Variants in ARAP3 observed in about 807,000 individuals in gnomAD.
ARAP3 encodes the protein arf-GAP with Rho-GAP domain, ANK repeat and PH domain-containing protein 3.
ARAP3 carries 82 observed loss-of-function variants against 169.2 expected under a neutral mutation model. The observed-to-expected ratio is 0.48, with a 90% CI of 0.41 to 0.58. The LOEUF (loss-of-function observed/expected upper bound fraction) is 0.58, where lower values mean the gene tolerates loss of function less well. ARAP3 is among the 20% of genes least tolerant of loss of function. ARAP3 has a pLI of 0.00. For synonymous variants in ARAP3, 791 were observed against 800.3 expected (o/e 0.99, Z 0.20); for missense variants, 1,764 against 2,018.0 (o/e 0.87, Z 2.41).
chr5:141,672,358 C>G lies in ARAP3; in HGVS notation c.1386-57G>C. 1 of 1,603,954 alleles carries G rather than the reference C, an allele frequency of 6.2e-7. No homozygotes were observed. Among genetic ancestry groups the G allele is most frequent in the East Asian group, 2.2e-5 (1 of 44,698 alleles). ...GACCTACCTGCCATGTCCCATCCCC[C>G]TGGCTCTTCCTGCAGGAGCCACCAC... On this transcript the variant is annotated intron_variant, in intron 9 of 32. Transcript: ENST00000239440. The surrounding 1 kb of genome is among the most constrained non-coding windows in gnomAD (Gnocchi z 4.9).
rs2099909315 is a variant in ARAP3 at position 141,656,754 on chromosome 5, T to C, written c.3619A>G (p.Lys1207Glu). Reference protein sequence around the residue: ...EPCSASLLLKKVPLAQAGCLF... With the variant: ...EPCSASLLLKEVPLAQAGCLF... ...CAGCCAGCTTGGGCCAGGGGGACTT[T>C]TTTCAAGAGCAGGGAAGCTGAGCAG... Residue 1207 changes from lysine to glutamate, a missense_variant, in exon 26 of 33, where the codon AAA becomes GAA. This residue lies in a region of ARAP3 where 1,112 missense variants were observed against 1,285.7 expected (regional missense o/e 0.86). Coordinates refer to ENST00000239440, the MANE Select transcript of ARAP3 (RefSeq NM_022481.6). 1.9e-6 allele frequency: 3 copies of C among 1,611,616 alleles called. No individual in the cohort carries two copies. The highest frequency in any genetic ancestry group is 1.7e-5 in the Admixed American group (1 of 59,470).
rs751501845 is a variant in ARAP3 at position 141,666,464 on chromosome 5, G to A, written c.2532C>T (p.Ala844=). 1.3e-6 allele frequency: 2 copies of A among 1,597,154 alleles called. No individual in the cohort carries two copies. Among genetic ancestry groups the A allele is most frequent in the Non-Finnish European group, 1.7e-6 (2 of 1,171,796 alleles). The change falls in exon 17 of 33, where the codon GCC becomes GCT. Residue 844 remains alanine (A), a synonymous_variant. Coordinates refer to ENST00000239440, the MANE Select transcript of ARAP3 (RefSeq NM_022481.6). ...LCSAPGPGPP[A]PEDMVHLRRL... ...GCCGCAGATGCACCATGTCCTCAGG[G>A]GCTGGGGGGCCTGGGCCCGGCGCTG...
intron 18 of ARAP3, 23 bp from the exon 19 acceptor site, chr5:141,665,108 C>G: frequency 6.3e-7 from 1 of 1,598,890 alleles, no homozygotes; most frequent in Non-Finnish European, 8.5e-7. Flanking sequence ...AGGCCTGAAT[C>G]AGAGCCAGCT....
Position 141,669,992 on chromosome 5 carries a change from G to C in ARAP3, c.2179C>G (p.Leu727Val). The change falls in exon 15 of 33, where the codon CTC (leucine) becomes GTC (valine). Residue 727 changes from leucine to valine, a missense_variant. Leu to Val is a conservative substitution (Grantham distance 32). Transcript: ENST00000239440. ...ATATCCTGGGGCTGTATGAGGCTGA[G>C]GGGTTCAGGGCTGTTTTCCGATGCA... ...MFASENSPEP[L>V]SLIQPQDIVC... 1.3e-6 allele frequency: 2 copies of C among 1,598,356 alleles called. No homozygotes were observed. The highest frequency in any genetic ancestry group is 1.4e-5 in the African/African-American group (1 of 73,586).
chr5:141,655,259 C>G (rs2099909113), intron 32 of ARAP3, 103 bp downstream of exon 32: 10 of 1,191,164 alleles, frequency 8.4e-6, no homozygotes, highest in Non-Finnish European at 9.5e-6. Context: ...CACACACACA[C>G]CCCCTGATGG....
intron 2 of ARAP3, 69 bp downstream of exon 2, chr5:141,679,894 C>A: frequency 6.2e-7 from 1 of 1,611,216 alleles, no homozygotes; most frequent in South Asian, 1.1e-5. Context: ...TGCTCCCCGC[C>A]TCCGTCCCCC....
At chr5:141,659,750 T>C in intron 22 of ARAP3, 29 bp downstream of exon 22, 4 of 1,596,350 alleles carry the variant, frequency 2.5e-6, no homozygotes, top group Non-Finnish European at 2.6e-6. Flanking sequence ...GGGAAAGGGG[T>C]TGTGGGTTAG....
Position 141,659,488 on chromosome 5 carries a change from C to A in ARAP3, c.3268-12G>T. ...TGGTCAGAATCGATCTGTGAAAGAG[C>A]CAAAAGAGAGTGTTGGGGTGCTGGA... On this transcript the variant is annotated splice_polypyrimidine_tract_variant and intron_variant, in intron 22 of 32. Coordinates refer to ENST00000239440, the MANE Select transcript of ARAP3 (RefSeq NM_022481.6). The A allele has an allele frequency of 6.2e-7, 1 of 1,613,974 alleles. No individual in the cohort carries two copies. Among genetic ancestry groups the A allele is most frequent in the Non-Finnish European group, 8.5e-7 (1 of 1,179,886 alleles).
rs748740765 is a variant in ARAP3, at chr5:141,680,078, G to A, written c.409C>T (p.Pro137Ser). The change falls in exon 2 of 33, where the codon CCT (proline) becomes TCT (serine). Residue 137 changes from proline to serine, a missense_variant. Coordinates refer to ENST00000239440, the MANE Select transcript of ARAP3 (RefSeq NM_022481.6). ...TGCTCAGAGGAGGAAGTGGGGAGAG[G>A]AGGAGGCCTTGGGCTGGGCTCTGGG... ...RSPEPSPRPPPLPTSSSEQSS... is the reference protein window; with the variant it reads ...RSPEPSPRPPSLPTSSSEQSS... 1.2e-6 allele frequency: 2 copies of A among 1,614,074 alleles called. No individual in the cohort carries two copies. The highest frequency in any genetic ancestry group is 2.2e-5 in the South Asian group (2 of 91,082).
At chr5:141,667,077 T>C (rs1031079260) in intron 16 of ARAP3, among the ~76,000 whole-genome samples, 7 of 150,618 alleles carry the variant, frequency 4.6e-5, no homozygotes, top group African/African-American at 4.9e-5. Context: ...ACCTGGCTAA[T>C]TTTTTTTTAC....
rs1428326124 is a variant in ARAP3, at chr5:141,666,586, G to A, written c.2410C>T (p.Arg804Cys). The change falls in exon 17 of 33, where the codon CGC becomes TGC. Residue 804 changes from arginine (R) to cysteine (C), a missense_variant. Coordinates refer to ENST00000239440, the MANE Select transcript of ARAP3 (RefSeq NM_022481.6). ...TGGGAGGGGGACCGCAGCCATAGGC[G>A]GCCCAGCCGCAGCAGCCCGGGGCCC... ...LLGPGLLRLG[R>C]LWLRSPSHTA... The A allele has an allele frequency of 2.0e-6, 3 of 1,526,962 alleles. No homozygotes were observed. The highest frequency in any genetic ancestry group is 2.2e-5 in the Admixed American group (1 of 45,594). The allele number at this position is 1,526,962 out of a possible 1,614,324, so 94.6% of individuals were successfully genotyped here.
intron 19 of ARAP3, among the ~76,000 whole-genome samples, chr5:141,662,902 A>G (rs945696705): frequency 2.6e-5 from 4 of 152,160 alleles, no homozygotes; most frequent in African/African-American, 9.7e-5. Context: ...TTCAGTGTTA[A>G]CAAATCAAAC....
intron 21 of ARAP3, among the ~76,000 whole-genome samples, chr5:141,660,700 C>T (rs1295899438): frequency 6.6e-6 from 1 of 151,848 alleles, no homozygotes; most frequent in Non-Finnish European, 1.5e-5. Flanking sequence ...CCAGGCTGGT[C>T]TCCAACTCCT....
chr5:141,663,673 G>C (rs953725467), intron 19 of ARAP3, among the ~76,000 whole-genome samples: 4 of 152,186 alleles, frequency 2.6e-5, no homozygotes, highest in African/African-American at 9.7e-5. Flanking sequence ...AGAGGATAAG[G>C]ATGTAGCGAG....
At chr5:141,661,813 T>C (rs1389789831) in intron 20 of ARAP3, 24 bp from the exon 21 acceptor site, 2 of 1,612,004 alleles carry the variant, frequency 1.2e-6, no homozygotes, top group Non-Finnish European at 1.7e-6. Flanking sequence ...GGAGGAGGGT[T>C]GGGGAGGACC....
intron 1 of ARAP3, among the ~76,000 whole-genome samples, chr5:141,681,156 C>T (rs930278737): frequency 7.9e-5 from 12 of 152,158 alleles, no homozygotes; most frequent in African/African-American, 2.9e-4. Context: ...CCGGGAGAGC[C>T]CTAACCAGTC....
At chr5:141,669,653 A>G in intron 16 of ARAP3, 56 bp downstream of exon 16, 3 of 1,514,824 alleles carry the variant, frequency 2.0e-6, no homozygotes, top group Non-Finnish European at 1.8e-6. Context: ...AGAAGATGGG[A>G]GCACGTGGGG....
intron 21 of ARAP3, among the ~76,000 whole-genome samples, chr5:141,660,426 G>A (rs964075914): frequency 5.3e-5 from 8 of 151,286 alleles, no homozygotes; most frequent in East Asian, 3.9e-4. Context: ...CCCTGGAGGC[G>A]GAGCTTGCAG....
chr5:141,664,104 G>A (rs983908628), intron 19 of ARAP3, among the ~76,000 whole-genome samples: 2 of 152,154 alleles, frequency 1.3e-5, no homozygotes, highest in Admixed American at 6.5e-5. Context: ...CTTACAAAGG[G>A]CCAGGTGTGG....
Sources: allele counts gnomAD v4.1 joint callset (sites outside exome capture counted in the v4.1 genomes callset), GRCh38; gene constraint gnomAD v4.1.1; regional missense constraint gnomAD v4.1.1; non-coding constraint Gnocchi (gnomAD v3.1); transcripts MANE v1.5; gene names NCBI Gene and HGNC (gene_info 2026-07-23, HGNC 2026-07-21).